FGF14: variants seen among roughly 807,000 people sequenced by gnomAD.
FGF14 encodes fibroblast growth factor 14.
A neutral mutation model predicts 25.5 loss-of-function variants in FGF14; 5 were observed. The observed-to-expected ratio is 0.20, with a 90% CI of 0.10 to 0.41. The LOEUF (loss-of-function observed/expected upper bound fraction) is 0.41. Among genes scored for constraint, FGF14 ranks in the 10% least tolerant of loss-of-function variants. The pLI is 1.00. For synonymous variants in FGF14, 138 were observed against 118.3 expected, an observed-to-expected ratio of 1.17 and a Z score of -1.08; for missense variants, 222 against 320.1, an observed-to-expected ratio of 0.69 and a Z score of 2.34.
At chr13:101,881,792 G>C (rs1362123367) in intron 1 of FGF14, among the ~76,000 whole-genome samples, 1 of 152,130 alleles carries the variant, frequency 6.6e-6, no homozygotes, top group Non-Finnish European at 1.5e-5. Context: ...TCAAGTGCCG[G>C]CTGTGGCACT....
intron 1 of FGF14, among the ~76,000 whole-genome samples, chr13:102,388,902 A>G (rs2058368608): frequency 6.6e-6 from 1 of 152,210 alleles, no homozygotes; most frequent in Non-Finnish European, 1.5e-5. Flanking sequence ...TGGACCCCAA[A>G]ATATGATTTC....
intron 3 of FGF14, among the ~76,000 whole-genome samples, chr13:101,787,213 G>A (rs568786769): frequency 1.4e-4 from 21 of 152,162 alleles, no homozygotes; most frequent in Non-Finnish European, 2.6e-4. Context: ...ATATCATAAA[G>A]CTAAGCCAAT....
At chr13:102,269,108 G>A (rs868565066) in intron 1 of FGF14, among the ~76,000 whole-genome samples, 3 of 152,212 alleles carry the variant, frequency 2.0e-5, no homozygotes, top group African/African-American at 7.2e-5. Flanking sequence ...GAAACAGGCA[G>A]TGAATGACTT....
chr13:102,204,965 G>A (rs2049840604), intron 1 of FGF14, among the ~76,000 whole-genome samples: 1 of 152,306 alleles, frequency 6.6e-6, no homozygotes, highest in African/African-American at 2.4e-5. Flanking sequence ...GAGATAAAAT[G>A]TCTTGGTACA....
At chr13:101,792,899 T>TTA (rs34577660) in intron 3 of FGF14, among the ~76,000 whole-genome samples, 7,178 of 151,816 alleles carry the variant, frequency 0.047, 279 homozygotes, top group African/African-American at 0.098. Flanking sequence ...CAAATTATAG[T>TTA]TATATATATA....
At chr13:102,325,103 A>C (rs577399550) in intron 1 of FGF14, among the ~76,000 whole-genome samples, 2 of 152,130 alleles carry the variant, frequency 1.3e-5, no homozygotes, top group Non-Finnish European at 2.9e-5. Context: ...TGCTCAAAGG[A>C]AATGGAAGAA....
At chr13:102,071,925 C>G (rs2043170667) in intron 1 of FGF14, among the ~76,000 whole-genome samples, 1 of 152,128 alleles carries the variant, frequency 6.6e-6, no homozygotes, top group Admixed American at 6.5e-5. Flanking sequence ...TTACTATTGG[C>G]AAAACTATCA....
intron 1 of FGF14, among the ~76,000 whole-genome samples, chr13:102,050,319 G>A (rs1182026304): frequency 6.6e-6 from 1 of 152,134 alleles, no homozygotes; most frequent in Admixed American, 6.5e-5. Context: ...GGGGGATGGG[G>A]AAGCTCTTAT....
chr13:101,948,470 A>AAATATAT (rs987611326), intron 1 of FGF14, among the ~76,000 whole-genome samples: 11 of 146,064 alleles, frequency 7.5e-5, no homozygotes, highest in African/African-American at 2.8e-4. Context: ...ATAATAAAAA[A>AAATATAT]ATATATATAT....
intron 3 of FGF14, among the ~76,000 whole-genome samples, chr13:101,776,021 CCTAGT>C (rs1229191869): frequency 6.6e-6 from 1 of 152,070 alleles, no homozygotes; most frequent in Non-Finnish European, 1.5e-5. Flanking sequence ...TCAAAACCAG[CCTAGT>C]CAACAGGGAC....
At chr13:102,327,017 G>C (rs2056476167) in intron 1 of FGF14, among the ~76,000 whole-genome samples, 1 of 152,064 alleles carries the variant, frequency 6.6e-6, no homozygotes, top group African/African-American at 2.4e-5. Context: ...GATAAACACA[G>C]AAAAAATCCA....
chr13:102,188,474 T>C (rs749349652), intron 1 of FGF14, among the ~76,000 whole-genome samples: 2 of 152,246 alleles, frequency 1.3e-5, no homozygotes, highest in Non-Finnish European at 2.9e-5. Context: ...TTTCCTCTTA[T>C]GTGCCAGCAG....
chr13:101,761,641 C>T (rs183525931), intron 3 of FGF14, among the ~76,000 whole-genome samples: 18 of 152,216 alleles, frequency 1.2e-4, no homozygotes, highest in Non-Finnish European at 1.3e-4. Context: ...GTTCCCTACA[C>T]GAAGAAATAA....
chr13:102,135,056 C>CAA (rs1194208682), intron 1 of FGF14, among the ~76,000 whole-genome samples: 9 of 137,638 alleles, frequency 6.5e-5, no homozygotes, highest in African/African-American at 2.9e-4. Context: ...CACACACACA[C>CAA]ACACAAATCC....
intron 1 of FGF14, among the ~76,000 whole-genome samples, chr13:102,204,473 A>G (rs947829670): frequency 9.2e-5 from 14 of 152,214 alleles, no homozygotes; most frequent in African/African-American, 3.1e-4. Context: ...TGAGTTGGGC[A>G]TGGCCCATAT....
chr13:101,752,465 GAAT>G (rs1328789270), intron 3 of FGF14, among the ~76,000 whole-genome samples: 1 of 152,116 alleles, frequency 6.6e-6, no homozygotes, highest in Non-Finnish European at 1.5e-5. Context: ...TTAATATTGT[GAAT>G]GATGATATTA....
intron 3 of FGF14, among the ~76,000 whole-genome samples, chr13:101,736,503 A>C (rs2139752915): frequency 6.6e-6 from 1 of 152,296 alleles, no homozygotes; most frequent in East Asian, 1.9e-4. Context: ...TACGTTTCCT[A>C]TTAATTGAAT....
chr13:102,121,362 T>C (rs925224012), intron 1 of FGF14, among the ~76,000 whole-genome samples: 3 of 152,260 alleles, frequency 2.0e-5, no homozygotes, highest in South Asian at 2.1e-4. Context: ...CACCATTTTT[T>C]ATCCCATCCA....
chr13:101,956,472 G>A (rs942423373), intron 1 of FGF14, among the ~76,000 whole-genome samples: 3 of 152,122 alleles, frequency 2.0e-5, no homozygotes, highest in Non-Finnish European at 2.9e-5. Context: ...TACAAGGCCT[G>A]GAATGTATCG....
Sources: gnomAD v4.1 joint callset for allele counts (sites outside exome capture counted in the v4.1 genomes callset) on GRCh38, gnomAD v4.1.1 for gene constraint, MANE v1.5 for transcripts, NCBI Gene and HGNC (gene_info 2026-07-23, HGNC 2026-07-21) for gene names.